ANKS1B: variants seen among roughly 807,000 people sequenced by gnomAD.
The protein encoded by ANKS1B is ankyrin repeat and sterile alpha motif domain-containing protein 1B.
A neutral mutation model predicts 148.3 loss-of-function variants in ANKS1B; 36 were observed. The ratio of observed to expected loss-of-function variants is 0.24; its 90% CI spans 0.19 to 0.32. The LOEUF (loss-of-function observed/expected upper bound fraction) is 0.32. Among genes scored for constraint, ANKS1B ranks in the 10% least tolerant of loss-of-function variants. The pLI, the probability that ANKS1B is intolerant of heterozygous loss-of-function variation, is 1.00. For synonymous variants in ANKS1B, 542 were observed against 560.8 expected, an observed-to-expected ratio of 0.97 and a Z score of 0.47; for missense variants, 1,157 against 1,542.6, an observed-to-expected ratio of 0.75 and a Z score of 4.19.
At chr12:98,853,289 T>C (rs1214679278) in intron 17 of ANKS1B, among the ~76,000 whole-genome samples, 1 of 152,222 alleles carries the variant, frequency 6.6e-6, no homozygotes, top group Non-Finnish European at 1.5e-5. Flanking sequence ...TAAATTCCTA[T>C]CAGTTGTCTG....
chr12:99,273,385 G>C (rs907672853), intron 12 of ANKS1B, among the ~76,000 whole-genome samples: 3 of 152,048 alleles, frequency 2.0e-5, no homozygotes, highest in African/African-American at 7.2e-5. Context: ...CGCACAATTA[G>C]ATAAATGTCA....
intron 17 of ANKS1B, among the ~76,000 whole-genome samples, chr12:98,933,574 A>G (rs929503114): frequency 2.6e-5 from 4 of 152,086 alleles, no homozygotes; most frequent in African/African-American, 9.7e-5. Flanking sequence ...AGAAACATCT[A>G]TACTGCTTTT....
chr12:99,378,652 C>CAAAAA (rs140892353), intron 12 of ANKS1B, among the ~76,000 whole-genome samples: 25 of 90,632 alleles, frequency 2.8e-4, no homozygotes, highest in African/African-American at 4.6e-4. Flanking sequence ...GACTCCATCT[C>CAAAAA]AAAAAAAAAA....
chr12:99,023,771 C>T (rs1158733461), intron 17 of ANKS1B, among the ~76,000 whole-genome samples: 1 of 150,706 alleles, frequency 6.6e-6, no homozygotes, highest in Non-Finnish European at 1.5e-5. Context: ...CTATATACCT[C>T]TCTGTGAATA....
intron 12 of ANKS1B, among the ~76,000 whole-genome samples, chr12:99,290,502 C>T (rs1249643506): frequency 6.6e-6 from 1 of 151,786 alleles, no homozygotes; most frequent in South Asian, 2.1e-4. Context: ...AACATTGATG[C>T]CATTGATACA....
intron 4 of ANKS1B, among the ~76,000 whole-genome samples, chr12:99,806,067 C>CTATT (rs1196365744): frequency 3.3e-5 from 5 of 152,142 alleles, no homozygotes; most frequent in African/African-American, 1.2e-4. Flanking sequence ...GAATTTTGTT[C>CTATT]CATTCATTCA....
At chr12:99,018,660 T>C (rs757866542) in intron 17 of ANKS1B, among the ~76,000 whole-genome samples, 2 of 152,166 alleles carry the variant, frequency 1.3e-5, no homozygotes, top group African/African-American at 4.8e-5. Context: ...AGAGTATCTT[T>C]AGGCTAGGTA....
At chr12:98,866,802 T>C (rs2099626869) in intron 17 of ANKS1B, among the ~76,000 whole-genome samples, 3 of 152,214 alleles carry the variant, frequency 2.0e-5, no homozygotes, top group Admixed American at 2.0e-4. Flanking sequence ...CTGGCTTAGG[T>C]ACCCTCCACT....
intron 1 of ANKS1B, among the ~76,000 whole-genome samples, chr12:99,975,095 G>A (rs2095609601): frequency 6.6e-6 from 1 of 152,080 alleles, no homozygotes; most frequent in Admixed American, 6.6e-5. Context: ...TGAGGCTGCA[G>A]TAAGCTGTGA....
intron 15 of ANKS1B, chr12:99,105,146 T>C (rs553640166): frequency 2.0e-5 from 3 of 152,378 alleles, no homozygotes; most frequent in East Asian, 3.9e-4. Flanking sequence ...TTTTGTTCTT[T>C]ATGCTATTAA....
intron 26 of ANKS1B, among the ~76,000 whole-genome samples, chr12:98,746,098 G>C (rs1004665437): frequency 3.3e-5 from 5 of 152,180 alleles, no homozygotes; most frequent in Admixed American, 6.5e-5. Context: ...ACGGGGAGCA[G>C]ACAGAGGCGG....
rs558436542 is a variant in ANKS1B at position 99,841,127 on chromosome 12, A to G, written c.135-15738T>C. ...CTCAGTTCTCTCATCTATAAAATGA[A>G]TATACCAGTAATAGCTAGCTCATAG... On this transcript the variant is annotated intron_variant, in intron 1 of 26. Transcript: ENST00000683438. Among the ~76,000 whole-genome samples the G allele has an allele frequency of 2.6e-5, 4 of 152,246 alleles. No homozygotes were observed. In the East Asian group the frequency reaches 7.7e-4, roughly 29 times the overall value.
chr12:99,125,212 A>T (rs1242100040), intron 15 of ANKS1B, among the ~76,000 whole-genome samples: 2 of 152,200 alleles, frequency 1.3e-5, no homozygotes, highest in African/African-American at 2.4e-5. Context: ...GAGGGGCCAC[A>T]TAGTTTAAAT....
intron 17 of ANKS1B, among the ~76,000 whole-genome samples, chr12:99,012,480 T>C (rs2099940038): frequency 6.6e-6 from 1 of 152,232 alleles, no homozygotes; most frequent in Non-Finnish European, 1.5e-5. Context: ...AGAAGTATCC[T>C]GATCCAGAGG....
intron 24 of ANKS1B, among the ~76,000 whole-genome samples, chr12:98,777,497 T>A (rs2098691272): frequency 1.3e-5 from 2 of 152,068 alleles, no homozygotes; most frequent in Non-Finnish European, 2.9e-5. Context: ...AAGACCTCCC[T>A]CCCCGACTCC....
intron 10 of ANKS1B, among the ~76,000 whole-genome samples, chr12:99,451,284 A>G (rs2095731276): frequency 6.6e-6 from 1 of 152,240 alleles, no homozygotes; most frequent in African/African-American, 2.4e-5. Flanking sequence ...AAAATATTCT[A>G]TGACTATAAA....
intron 9 of ANKS1B, among the ~76,000 whole-genome samples, chr12:99,551,694 C>T (rs1396823684): frequency 6.6e-6 from 1 of 152,058 alleles, no homozygotes; most frequent in Admixed American, 6.6e-5. Context: ...AGAAGGCAGA[C>T]ATTTCTCTTC....
At chr12:99,662,419 G>T (rs906288815) in intron 8 of ANKS1B, among the ~76,000 whole-genome samples, 2 of 152,020 alleles carry the variant, frequency 1.3e-5, no homozygotes, top group Non-Finnish European at 1.5e-5. Flanking sequence ...ATGCCTGTTG[G>T]GTTAGCTACC....
At chr12:99,085,847 G>A (rs1374154093) in intron 15 of ANKS1B, among the ~76,000 whole-genome samples, 1 of 152,030 alleles carries the variant, frequency 6.6e-6, no homozygotes, top group African/African-American at 2.4e-5. Flanking sequence ...AATAATACAC[G>A]CTGGCGCCTG....
Sources: allele counts gnomAD v4.1 joint callset (sites outside exome capture counted in the v4.1 genomes callset), GRCh38; gene constraint gnomAD v4.1.1; transcripts MANE v1.5; gene names NCBI Gene and HGNC (gene_info 2026-07-23, HGNC 2026-07-21).